Variants in CHODL observed in about 807,000 individuals in gnomAD.
The protein encoded by CHODL is chondrolectin, also known as transmembrane protein MT75.
In CHODL, 29 loss-of-function variants were observed where a neutral mutation model predicts 34.5. The observed-to-expected ratio is 0.84, with a 90% CI of 0.63 to 1.15. CHODL has a LOEUF of 1.15. Ranked by LOEUF, CHODL falls within the 50% of genes most tolerant of loss-of-function variation. CHODL has a pLI of 0.00. For missense variants in CHODL, 332 were observed against 332.5 expected, an observed-to-expected ratio of 1.00 and a Z score of 0.01; for synonymous variants, 125 against 116.1, an observed-to-expected ratio of 1.08 and a Z score of -0.49.
chr21:18,246,932 T>A (rs529228270), intron 1 of CHODL, among the ~76,000 whole-genome samples: 1 of 152,174 alleles, frequency 6.6e-6, no homozygotes, highest in Non-Finnish European at 1.5e-5. Flanking sequence ...AATTTCTAAT[T>A]AACTGAACAT....
At chr21:18,260,638 C>T (rs924974987) in intron 4 of CHODL, among the ~76,000 whole-genome samples, 1 of 151,918 alleles carries the variant, frequency 6.6e-6, no homozygotes, top group East Asian at 1.9e-4. Context: ...CCTGGTGAGA[C>T]CCCATCTCTG....
intron 2 of CHODL, among the ~76,000 whole-genome samples, chr21:18,054,901 A>C (rs1191003342): frequency 2.6e-5 from 4 of 152,060 alleles, no homozygotes; most frequent in Non-Finnish European, 5.9e-5. Context: ...TTAACGAATT[A>C]GGCAACAAGC....
intron 2 of CHODL, among the ~76,000 whole-genome samples, chr21:18,125,118 G>A (rs1206913041): frequency 6.6e-6 from 1 of 152,212 alleles, no homozygotes; most frequent in African/African-American, 2.4e-5. Context: ...TAAGCCAGGT[G>A]TGTCTGATCT....
At chr21:18,039,954 G>T (rs2146452062) in intron 2 of CHODL, among the ~76,000 whole-genome samples, 1 of 151,752 alleles carries the variant, frequency 6.6e-6, no homozygotes, top group East Asian at 2.0e-4. Context: ...TCCTTATTGG[G>T]TCTTGCTGAG....
intron 2 of CHODL, among the ~76,000 whole-genome samples, chr21:18,092,852 G>C (rs535818243): frequency 6.6e-6 from 1 of 152,288 alleles, no homozygotes; most frequent in East Asian, 1.9e-4. Flanking sequence ...TCAAACCATA[G>C]AGTTCTTGGC....
At chr21:18,022,688 A>C (rs754466240) in intron 1 of CHODL, among the ~76,000 whole-genome samples, 12 of 152,130 alleles carry the variant, frequency 7.9e-5, no homozygotes, top group Non-Finnish European at 1.3e-4. Context: ...TTTCCAAGAA[A>C]TCCTTCATGC....
intron 1 of CHODL, among the ~76,000 whole-genome samples, chr21:18,022,103 C>T (rs2064133403): frequency 6.6e-6 from 1 of 152,156 alleles, no homozygotes; most frequent in African/African-American, 2.4e-5. Flanking sequence ...CCTGGGACTG[C>T]TGTAACAAAT....
intron 5 of CHODL, among the ~76,000 whole-genome samples, chr21:18,264,546 G>C (rs1454538658): frequency 1.4e-5 from 2 of 147,410 alleles, no homozygotes; most frequent in African/African-American, 5.1e-5. Flanking sequence ...AGGTTGCAGT[G>C]AGCCGAGATC....
At chr21:18,217,610 C>T (rs1251191598) in intron 2 of CHODL, among the ~76,000 whole-genome samples, 2 of 152,092 alleles carry the variant, frequency 1.3e-5, no homozygotes, top group African/African-American at 2.4e-5. Context: ...GTCACCCTGG[C>T]CCCTCTCAAA....
intron 2 of CHODL, among the ~76,000 whole-genome samples, chr21:18,047,313 T>C (rs1050642856): frequency 2.0e-5 from 3 of 151,942 alleles, no homozygotes; most frequent in Non-Finnish European, 1.5e-5. Flanking sequence ...AGGCCTGGCA[T>C]TGATAATTGT....
At chr21:18,217,730 C>A (rs1270297761) in intron 2 of CHODL, among the ~76,000 whole-genome samples, 2 of 152,122 alleles carry the variant, frequency 1.3e-5, no homozygotes, top group Non-Finnish European at 2.9e-5. Flanking sequence ...TCATCTGAGA[C>A]AAGTCAAGTC....
At chr21:18,016,844 G>A (rs1600898797) in intron 1 of CHODL, among the ~76,000 whole-genome samples, 1 of 152,246 alleles carries the variant, frequency 6.6e-6, no homozygotes, top group African/African-American at 2.4e-5. Flanking sequence ...TTGCATCAGT[G>A]TGGCTTGGAT....
chr21:18,026,449 G>A (rs140684603), intron 1 of CHODL, among the ~76,000 whole-genome samples: 1 of 628 alleles, frequency 1.6e-3, no homozygotes, highest in Non-Finnish European at 3.4e-3. Context: ...CGACAAGCTT[G>A]GATCACTTTA....
At chr21:18,080,569 A>C (rs1271056456) in intron 2 of CHODL, among the ~76,000 whole-genome samples, 2 of 152,172 alleles carry the variant, frequency 1.3e-5, no homozygotes, top group African/African-American at 4.8e-5. Flanking sequence ...CTTTCCCGGC[A>C]TCATTTATTG....
At chr21:17,993,605 T>G (rs958023656) in intron 1 of CHODL, among the ~76,000 whole-genome samples, 2 of 152,250 alleles carry the variant, frequency 1.3e-5, no homozygotes, top group Non-Finnish European at 2.9e-5. Context: ...ATTTTCTTTA[T>G]CCAGTCTATC....
At chr21:18,204,270 A>T (rs915906621) in intron 2 of CHODL, among the ~76,000 whole-genome samples, 3 of 152,138 alleles carry the variant, frequency 2.0e-5, no homozygotes, top group African/African-American at 7.2e-5. Flanking sequence ...ACATCAGCTT[A>T]TTGAAAATAT....
At chr21:17,967,733 G>A (rs1020383898) in intron 1 of CHODL, among the ~76,000 whole-genome samples, 4 of 147,388 alleles carry the variant, frequency 2.7e-5, no homozygotes, top group African/African-American at 4.9e-5. Context: ...CATACTTTCC[G>A]TAACTAGGGT....
chr21:18,227,996 CCA>C (rs2073946191), intron 2 of CHODL, among the ~76,000 whole-genome samples: 1 of 152,058 alleles, frequency 6.6e-6, no homozygotes, highest in Non-Finnish European at 1.5e-5. Flanking sequence ...TATGGTTGGA[CCA>C]CACTAATTTT....
In CHODL at chr21:18,244,981, C is replaced by T. The variant is rs996244667; in HGVS notation, c.-243C>T. The T allele has an allele frequency of 3.5e-5, 16 of 451,980 alleles. No individual in the cohort carries two copies. Among genetic ancestry groups the T allele is most frequent in the South Asian group, 2.0e-4 (5 of 25,018 alleles). 28.0% of individuals were successfully genotyped at this position (451,980 alleles called of 1,614,324 possible). On this transcript the variant is annotated 5_prime_UTR_variant, in exon 1 of 6. Transcript: ENST00000299295. ...TACACGGGACCCCCTAACTTCAGTCCCCCAAACGCGCACCCTCGAAGTCTT... is the reference window on the plus strand; with the variant it reads ...TACACGGGACCCCCTAACTTCAGTCTCCCAAACGCGCACCCTCGAAGTCTT...
Sources: allele counts gnomAD v4.1 joint callset (sites outside exome capture counted in the v4.1 genomes callset), GRCh38; gene constraint gnomAD v4.1.1; transcripts MANE v1.5; gene names NCBI Gene and HGNC (gene_info 2026-07-23, HGNC 2026-07-21).